Variants in SMARCA2 observed in about 807,000 individuals in gnomAD.
The protein encoded by SMARCA2 is SWI/SNF-related matrix-associated actin-dependent regulator of chromatin subfamily A member 2.
Under a neutral mutation model 199.8 loss-of-function variants are expected in SMARCA2, and 61 were observed. The observed-to-expected ratio is 0.31, with a 90% CI of 0.25 to 0.38. SMARCA2 has a LOEUF of 0.38. Among genes scored for constraint, SMARCA2 ranks in the 10% least tolerant of loss-of-function variants. The pLI, the probability that SMARCA2 is intolerant of heterozygous loss-of-function variation, is 1.00. For synonymous variants in SMARCA2, 935 were observed against 732.0 expected (o/e 1.28, Z -4.48); for missense variants, 1,344 against 2,012.2 (o/e 0.67, Z 6.35).
chr9:2,021,506 T>C (rs1358687416), intron 1 of SMARCA2, among the ~76,000 whole-genome samples: 1 of 152,218 alleles, frequency 6.6e-6, no homozygotes, highest in Non-Finnish European at 1.5e-5. Context: ...TTTCAGTTTT[T>C]ACCATCCCAC....
At chr9:2,060,386 G>A (rs968455729) in intron 8 of SMARCA2, among the ~76,000 whole-genome samples, 11 of 152,102 alleles carry the variant, frequency 7.2e-5, no homozygotes, top group African/African-American at 2.7e-4. Context: ...GTGAATTTTT[G>A]TTGTTTGGGG....
chr9:2,100,291 C>T (rs956217351), intron 21 of SMARCA2, among the ~76,000 whole-genome samples: 17 of 152,126 alleles, frequency 1.1e-4, no homozygotes, highest in Non-Finnish European at 2.2e-4. Context: ...TCAGAAAGGA[C>T]GGAGTTATGT....
At chr9:2,018,599 C>G (rs756587977) in intron 1 of SMARCA2, among the ~76,000 whole-genome samples, 1 of 152,314 alleles carries the variant, frequency 6.6e-6, no homozygotes, top group Non-Finnish European at 1.5e-5. Context: ...TTCAAACTTC[C>G]ATTTCAAAGG....
Position 2,170,232 on chromosome 9 carries a change from C to A in SMARCA2, c.4200-187C>A, listed in dbSNP as rs1268993913. Among the ~76,000 whole-genome samples, 2 of 152,148 alleles carry A rather than the reference C, an allele frequency of 1.3e-5. No individual in the cohort carries two copies. The highest frequency in any genetic ancestry group is 2.9e-5 in the Non-Finnish European group (2 of 68,034). ...AAGGTTAGGAAATCCACTTCCCCCACCATTTTTAGAGAACTATGTTATTTT... is the reference window on the plus strand; with the variant it reads ...AAGGTTAGGAAATCCACTTCCCCCAACATTTTTAGAGAACTATGTTATTTT... On this transcript the variant is annotated intron_variant, in intron 28 of 33. Coordinates refer to ENST00000349721, the MANE Select transcript of SMARCA2 (RefSeq NM_003070.5). This position sits in a 1 kb window ranked among gnomAD's most constrained non-coding sequence, Gnocchi z 4.7.
intron 19 of SMARCA2, 137 bp from the exon 20 acceptor site, chr9:2,096,520 C>T (rs751206772): frequency 8.9e-5 from 56 of 625,778 alleles, no homozygotes; most frequent in Non-Finnish European, 1.5e-4. Flanking sequence ...CCCCATCTCA[C>T]CCCGCACTCC....
intron 27 of SMARCA2, among the ~76,000 whole-genome samples, chr9:2,133,292 G>A (rs193114644): frequency 6.6e-5 from 10 of 152,184 alleles, no homozygotes; most frequent in African/African-American, 9.6e-5. Flanking sequence ...TTTGGTTTTT[G>A]ACGTTTTCTG....
In SMARCA2 at chr9:2,110,302, A is replaced by C; in HGVS notation, c.3341A>C (p.Glu1114Ala). Residue 1114 changes from glutamate (E) to alanine (A), a missense_variant, in exon 24 of 34, where the codon GAA (glutamate) becomes GCA (alanine). By Grantham distance (107) the Glu-to-Ala change is moderately radical. This residue lies in a region of SMARCA2 where 98 missense variants were observed against 245.6 expected (regional missense o/e 0.40). Transcript: ENST00000349721. The surrounding 1 kb of genome is among the most constrained non-coding windows in gnomAD (Gnocchi z 4.8). ...DRAALLKKFN[E>A]PGSQYFIFLL... ...GCTGCTTTGCTGAAGAAATTCAATG[A>C]ACCTGGATCCCAGTATTTCATTTTC... The C allele has an allele frequency of 6.2e-7, 1 of 1,613,630 alleles. No homozygotes were observed. The highest frequency in any genetic ancestry group is 8.5e-7 in the Non-Finnish European group (1 of 1,179,814).
intron 3 of SMARCA2, among the ~76,000 whole-genome samples, chr9:2,035,327 G>GCCA (rs1819280358): frequency 6.6e-6 from 1 of 152,148 alleles, no homozygotes; most frequent in South Asian, 2.1e-4. Flanking sequence ...ACAGGCATGA[G>GCCA]CCACCATGCC....
intron 27 of SMARCA2, among the ~76,000 whole-genome samples, chr9:2,141,721 C>G (rs1418383577): frequency 6.6e-6 from 1 of 151,722 alleles, no homozygotes; most frequent in East Asian, 1.9e-4. Flanking sequence ...AGTAATCATC[C>G]AAGCCATCTA....
intron 29 of SMARCA2, among the ~76,000 whole-genome samples, chr9:2,172,172 C>T (rs1397746289): frequency 1.3e-5 from 2 of 151,852 alleles, no homozygotes; most frequent in African/African-American, 2.4e-5. Flanking sequence ...ACCCTTTCTT[C>T]AGAAGAGCTT....
chr9:2,185,241 C>T (rs7875117), intron 31 of SMARCA2, among the ~76,000 whole-genome samples: 111,568 of 152,188 alleles, frequency 0.73, 41,094 homozygotes, highest in East Asian at 0.86. Flanking sequence ...TGAATTTGCC[C>T]ATTTTAGATA....
Position 2,115,675 on chromosome 9 carries a change from C to A in SMARCA2, c.3457-147C>A. On this transcript the variant is annotated intron_variant, in intron 24 of 33. Coordinates refer to ENST00000349721, the MANE Select transcript of SMARCA2 (RefSeq NM_003070.5). The surrounding 1 kb of genome is among the most constrained non-coding windows in gnomAD (Gnocchi z 6.0). ...TGACACTGAATTTTTCCAAACGTAG[C>A]TTGTGTGTTTTTAAAATGTAGGCAA... is the stretch of plus-strand genomic sequence containing the variant. 4 of 653,196 alleles carry A rather than the reference C, an allele frequency of 6.1e-6. No individual in the cohort carries two copies. In the South Asian group the frequency reaches 6.2e-5, roughly 10 times the overall value. 40.5% of individuals were successfully genotyped at this position (653,196 alleles called of 1,614,324 possible). A position where few individuals can be genotyped will look rare whatever the true frequency, so the allele number is the denominator to read the frequency against.
At chr9:2,028,947 G>A (rs753020525) in intron 1 of SMARCA2, 40 bp from the exon 2 acceptor site, 1 of 1,482,262 alleles carries the variant, frequency 6.7e-7, no homozygotes, top group Middle Eastern at 2.4e-4. Flanking sequence ...TTAACATCAT[G>A]TTTAAAACAT....
intron 31 of SMARCA2, among the ~76,000 whole-genome samples, chr9:2,182,786 C>T (rs368363681): frequency 1.4e-5 from 2 of 140,386 alleles, no homozygotes; most frequent in African/African-American, 2.7e-5. Flanking sequence ...TGAGCCACCA[C>T]ACCCGGCCTC....
At chr9:2,130,801 T>C (rs1823914006) in intron 27 of SMARCA2, among the ~76,000 whole-genome samples, 1 of 152,202 alleles carries the variant, frequency 6.6e-6, no homozygotes, top group African/African-American at 2.4e-5. Context: ...ATATATTTGC[T>C]TCTTTATATG....
intron 21 of SMARCA2, among the ~76,000 whole-genome samples, chr9:2,099,101 A>G (rs180879803): frequency 7.2e-5 from 11 of 152,328 alleles, no homozygotes; most frequent in Admixed American, 6.5e-4. Flanking sequence ...ATTTGTAAAC[A>G]GGGGTAATAA....
At chr9:2,151,487 T>G (rs1373971530) in intron 27 of SMARCA2, among the ~76,000 whole-genome samples, 1 of 151,632 alleles carries the variant, frequency 6.6e-6, no homozygotes, top group Non-Finnish European at 1.5e-5. Flanking sequence ...ATCCCAACAC[T>G]TTGGGAGGAT....
At position 2,169,630 on chromosome 9, in the gene SMARCA2, C is replaced by A. The variant is rs2129714361; in HGVS notation, c.4200-789C>A. Reference sequence around the variant, plus strand: ...GAGAAGGGATTTATACATGGACAGGCACAGGCTGTGAATCCCAAAGGGTGC... The same window carrying A: ...GAGAAGGGATTTATACATGGACAGGAACAGGCTGTGAATCCCAAAGGGTGC... On this transcript the variant is annotated intron_variant, in intron 28 of 33. Transcript: ENST00000349721. This position sits in a 1 kb window ranked among gnomAD's most constrained non-coding sequence, Gnocchi z 6.5. Among the ~76,000 whole-genome samples, 1 of 152,194 alleles carries A rather than the reference C, an allele frequency of 6.6e-6. No homozygotes were observed. Among genetic ancestry groups the A allele is most frequent in the South Asian group, 2.1e-4 (1 of 4,810 alleles).
chr9:2,159,280 G>C, intron 27 of SMARCA2: 1 of 373,586 alleles, frequency 2.7e-6, no homozygotes, highest in South Asian at 5.6e-5. Flanking sequence ...GAAACTGAAA[G>C]TGAAGTGTTA....
Sources: gnomAD v4.1 joint callset for allele counts (sites outside exome capture counted in the v4.1 genomes callset) on GRCh38, gnomAD v4.1.1 for gene constraint, gnomAD v4.1.1 regional missense constraint, Gnocchi (gnomAD v3.1) non-coding constraint, MANE v1.5 for transcripts, NCBI Gene and HGNC (gene_info 2026-07-23, HGNC 2026-07-21) for gene names.